Variants in ZBTB20 observed in about 807,000 individuals in gnomAD.
The protein encoded by ZBTB20 is zinc finger and BTB domain-containing protein 20.
A neutral mutation model predicts 56.9 loss-of-function variants in ZBTB20; 9 were observed. That is an observed-to-expected ratio of 0.16 (90% CI 0.10 to 0.28). The LOEUF is 0.28. Ranked by LOEUF, ZBTB20 falls within the 10% of genes least tolerant of loss-of-function variation. The probability of loss-of-function intolerance (pLI) is 1.00; values close to 1 mark genes in which losing one functional copy is unlikely to be tolerated. For missense variants in ZBTB20, 655 were observed against 1,003.0 expected (o/e 0.65, Z 4.69); for synonymous variants, 417 against 420.7 (o/e 0.99, Z 0.11).
chr3:114,899,670 C>T (rs1223443654), intron 4 of ZBTB20, among the ~76,000 whole-genome samples: 6 of 152,158 alleles, frequency 3.9e-5, no homozygotes, highest in Non-Finnish European at 8.8e-5. Context: ...ACACAAAACA[C>T]GTAAGAGCAC....
At chr3:114,932,960 C>T (rs1217356735) in intron 3 of ZBTB20, among the ~76,000 whole-genome samples, 2 of 152,132 alleles carry the variant, frequency 1.3e-5, no homozygotes, top group East Asian at 3.8e-4. Context: ...TCTTCTTTTG[C>T]TTTCCTTAGA....
At chr3:115,146,389 G>A (rs1359097140) in intron 1 of ZBTB20, among the ~76,000 whole-genome samples, 1 of 143,284 alleles carries the variant, frequency 7.0e-6, no homozygotes, top group African/African-American at 2.5e-5. Context: ...GGGGTGGGGG[G>A]AGGACCCAAA....
chr3:114,710,746 C>T (rs779142705), intron 5 of ZBTB20, among the ~76,000 whole-genome samples: 26 of 152,166 alleles, frequency 1.7e-4, no homozygotes, highest in Non-Finnish European at 3.8e-4. Context: ...CCTGTATCAC[C>T]CTGACCCTGT....
intron 4 of ZBTB20, among the ~76,000 whole-genome samples, chr3:114,808,124 A>T (rs964859220): frequency 1.3e-5 from 2 of 152,120 alleles, no homozygotes. Flanking sequence ...TAAATTGTAT[A>T]AATTGTATGT....
intron 2 of ZBTB20, among the ~76,000 whole-genome samples, chr3:115,004,688 C>T (rs1360168112): frequency 1.3e-5 from 2 of 151,632 alleles, no homozygotes; most frequent in Admixed American, 6.6e-5. Flanking sequence ...TTTTCTTTTG[C>T]TCTATATTAA....
chr3:114,772,434 T>C (rs756581974), intron 5 of ZBTB20, among the ~76,000 whole-genome samples: 6 of 152,172 alleles, frequency 3.9e-5, no homozygotes, highest in Non-Finnish European at 5.9e-5. Context: ...GCTCTCTCTA[T>C]GGTTCTAGTA....
intron 2 of ZBTB20, among the ~76,000 whole-genome samples, chr3:115,024,111 T>C (rs543851146): frequency 2.0e-5 from 3 of 151,246 alleles, no homozygotes; most frequent in Admixed American, 6.6e-5. Flanking sequence ...AGGACTACTG[T>C]TGGCAGAAAG....
At chr3:114,382,348 C>T (rs771153792) in intron 8 of ZBTB20, among the ~76,000 whole-genome samples, 7 of 152,170 alleles carry the variant, frequency 4.6e-5, no homozygotes, top group Non-Finnish European at 8.8e-5. Flanking sequence ...ACTACATTAG[C>T]CTGACACTCA....
chr3:114,560,111 A>T (rs1027528669), intron 6 of ZBTB20, among the ~76,000 whole-genome samples: 4 of 152,194 alleles, frequency 2.6e-5, no homozygotes, highest in Non-Finnish European at 5.9e-5. Flanking sequence ...CAATGAATGC[A>T]ATAATCTTCT....
intron 4 of ZBTB20, among the ~76,000 whole-genome samples, chr3:114,837,558 C>G (rs2108983884): frequency 6.6e-6 from 1 of 152,192 alleles, no homozygotes; most frequent in Non-Finnish European, 1.5e-5. Context: ...ATGTGGGGGT[C>G]TTCACATGTG....
intron 6 of ZBTB20, among the ~76,000 whole-genome samples, chr3:114,672,282 C>T (rs1413522642): frequency 1.3e-5 from 2 of 152,086 alleles, no homozygotes; most frequent in African/African-American, 4.8e-5. Flanking sequence ...AGGGCCCACT[C>T]ACGTAAACAG....
At chr3:114,430,532 G>A (rs1236601812) in intron 7 of ZBTB20, among the ~76,000 whole-genome samples, 3 of 152,102 alleles carry the variant, frequency 2.0e-5, no homozygotes, top group Admixed American at 6.6e-5. Context: ...CAATTAATTC[G>A]AATATAAACA....
At position 114,335,864 on chromosome 3, in the gene ZBTB20, C is replaced by T. The variant is rs956464431; in HGVS notation, c.*3141G>A. The T allele has an allele frequency of 2.6e-5, 4 of 152,080 alleles. No homozygotes were observed. Among genetic ancestry groups the T allele is most frequent in the Non-Finnish European group, 5.9e-5 (4 of 68,006 alleles). 9.4% of individuals were successfully genotyped at this position (152,080 alleles called of 1,614,324 possible). A position where few individuals can be genotyped will look rare whatever the true frequency, so the allele number is the denominator to read the frequency against. On this transcript the variant is annotated 3_prime_UTR_variant, in exon 12 of 12. Coordinates refer to ENST00000675478, the MANE Select transcript of ZBTB20 (RefSeq NM_001348800.3). ...TACAGGGAAAGGATGATAGACTCCTCAGGGTTTCAAGTCACCTGCAGCTTT... is the reference window on the plus strand; with the variant it reads ...TACAGGGAAAGGATGATAGACTCCTTAGGGTTTCAAGTCACCTGCAGCTTT...
In ZBTB20 at chr3:114,886,351, T is replaced by C. The variant is rs915148407; in HGVS notation, c.-417+13953A>G. Reference sequence around the variant, plus strand: ...GTATTTGTACGTATGGCCATATCCATAGTTCTCTAATAAAGACCTGGCCGA... The same window carrying C: ...GTATTTGTACGTATGGCCATATCCACAGTTCTCTAATAAAGACCTGGCCGA... On this transcript the variant is annotated intron_variant, in intron 4 of 11. Coordinates refer to ENST00000675478, the MANE Select transcript of ZBTB20 (RefSeq NM_001348800.3). Among the ~76,000 whole-genome samples, 7 of 152,360 alleles carry C rather than the reference T, an allele frequency of 4.6e-5. No individual in the cohort carries two copies. The East Asian group carries it at 7.7e-4, about 17-fold the overall frequency.
At chr3:115,110,031 G>A (rs1455725955) in intron 1 of ZBTB20, among the ~76,000 whole-genome samples, 2 of 152,014 alleles carry the variant, frequency 1.3e-5, no homozygotes, top group Non-Finnish European at 1.5e-5. Context: ...CCAACATGGC[G>A]AAACTCCGTC....
At chr3:114,397,715 A>G (rs1170835986) in intron 7 of ZBTB20, among the ~76,000 whole-genome samples, 1 of 152,162 alleles carries the variant, frequency 6.6e-6, no homozygotes, top group African/African-American at 2.4e-5. Flanking sequence ...GGAAACACTG[A>G]AAACTATATA....
At chr3:114,827,128 T>C (rs960175409) in intron 4 of ZBTB20, among the ~76,000 whole-genome samples, 1 of 151,750 alleles carries the variant, frequency 6.6e-6, no homozygotes, top group Admixed American at 6.6e-5. Context: ...TAATAGTTGC[T>C]AATCAAAATG....
intron 6 of ZBTB20, among the ~76,000 whole-genome samples, chr3:114,616,665 T>A (rs1457868982): frequency 6.6e-6 from 1 of 152,182 alleles, no homozygotes; most frequent in Non-Finnish European, 1.5e-5. Flanking sequence ...ATTTTAACTA[T>A]TACCATGATT....
intron 4 of ZBTB20, among the ~76,000 whole-genome samples, chr3:114,877,157 T>C (rs1236847636): frequency 6.6e-6 from 1 of 152,224 alleles, no homozygotes; most frequent in Admixed American, 6.5e-5. Context: ...AACTATATGC[T>C]AGAGAATACA....
Sources: gnomAD v4.1 joint callset for allele counts (sites outside exome capture counted in the v4.1 genomes callset) on GRCh38, gnomAD v4.1.1 for gene constraint, MANE v1.5 for transcripts, NCBI Gene and HGNC (gene_info 2026-07-23, HGNC 2026-07-21) for gene names.